Variants in BTAF1 observed in about 807,000 individuals in gnomAD.
BTAF1 encodes TATA-binding protein-associated factor 172.
Under a neutral mutation model 227.1 loss-of-function variants are expected in BTAF1, and 38 were observed. The observed-to-expected ratio is 0.17, with a 90% confidence interval of 0.13 to 0.22. BTAF1 has a LOEUF of 0.22. BTAF1 is among the 10% of genes least tolerant of loss of function. The pLI is 1.00. For synonymous variants in BTAF1, 742 were observed against 751.9 expected (o/e 0.99, Z 0.21); for missense variants, 1,598 against 2,204.0 (o/e 0.73, Z 5.51).
At chr10:91,968,106 G>T (rs1191019687) in intron 14 of BTAF1, among the ~76,000 whole-genome samples, 1 of 151,942 alleles carries the variant, frequency 6.6e-6, no homozygotes, top group Non-Finnish European at 1.5e-5. Flanking sequence ...TGTACATATT[G>T]TACATTTACA....
intron 3 of BTAF1, among the ~76,000 whole-genome samples, chr10:91,942,138 G>C (rs551707449): frequency 6.6e-6 from 1 of 152,112 alleles, no homozygotes; most frequent in Non-Finnish European, 1.5e-5. Context: ...AAAACACTTA[G>C]CTAGGCATGG....
chr10:91,993,175 A>G (rs1012134293), intron 21 of BTAF1, among the ~76,000 whole-genome samples: 3 of 152,238 alleles, frequency 2.0e-5, no homozygotes, highest in African/African-American at 7.2e-5. Flanking sequence ...TCTAGTTTGC[A>G]TAGTTATTCC....
rs901666211 is a variant in BTAF1 at position 91,935,531 on chromosome 10, T to G, written c.15-126T>G. The stretch of plus-strand genomic sequence containing the variant: ...TCTGGCTTATTTCACCATAATGTCT[T>G]TCCGGGGCTCATTTATGTTAGCGTA... On this transcript the variant is annotated intron_variant, in intron 1 of 37. Coordinates refer to ENST00000265990, the MANE Select transcript of BTAF1 (RefSeq NM_003972.3). 5 of 994,526 alleles carry G rather than the reference T, an allele frequency of 5.0e-6. No individual in the cohort carries two copies. The African/African-American group carries it at 6.5e-5, about 13-fold the overall frequency. The allele number at this position is 994,526 out of a possible 1,614,324, so 61.6% of individuals were successfully genotyped here. A position where few individuals can be genotyped will look rare whatever the true frequency, so the allele number is the denominator to read the frequency against.
intron 32 of BTAF1, among the ~76,000 whole-genome samples, chr10:92,014,629 A>ATGT (rs554270509): frequency 7.4e-4 from 113 of 152,332 alleles, no homozygotes; most frequent in African/African-American, 2.6e-3. Flanking sequence ...CTGCTTCTGA[A>ATGT]TGTTGTCATG....
chr10:91,952,910 G>A (rs1845863900), intron 5 of BTAF1, among the ~76,000 whole-genome samples: 1 of 152,216 alleles, frequency 6.6e-6, no homozygotes. Flanking sequence ...TGAATGGGCA[G>A]GTGTATTAGA....
rs1849205208 is a variant in BTAF1, at chr10:91,997,236, G to A, written c.3512-367G>A. 4.2e-6 allele frequency: 4 copies of A among 963,846 alleles called. No individual in the cohort carries two copies. In the South Asian group the frequency reaches 5.4e-5, roughly 13 times the overall value. 59.7% of individuals were successfully genotyped at this position (963,846 alleles called of 1,614,324 possible). A position where few individuals can be genotyped will look rare whatever the true frequency, so the allele number is the denominator to read the frequency against. ...TGGGAAATTTGGAATTAATCTTTGA[G>A]TGACACTCAGTTATATTCCTTTACT... On this transcript the variant is annotated intron_variant, in intron 24 of 37. Transcript: ENST00000265990.
At chr10:91,975,269 T>A (rs191363821) in intron 14 of BTAF1, among the ~76,000 whole-genome samples, 1 of 152,314 alleles carries the variant, frequency 6.6e-6, no homozygotes, top group African/African-American at 2.4e-5. Context: ...ATACATGAGA[T>A]TGAGTTGGAA....
At chr10:92,024,608 G>T (rs983032940) in intron 34 of BTAF1, 148 bp from the exon 35 acceptor site, 7 of 656,698 alleles carry the variant, frequency 1.1e-5, no homozygotes, top group East Asian at 2.7e-5. Flanking sequence ...GTGCTGCAGG[G>T]TGACAGATTG....
At chr10:91,967,649 G>A (rs554145432) in intron 14 of BTAF1, among the ~76,000 whole-genome samples, 1 of 152,174 alleles carries the variant, frequency 6.6e-6, no homozygotes, top group East Asian at 1.9e-4. Context: ...TTTTGATTTT[G>A]TCTGATCCAA....
Position 92,002,897 on chromosome 10 carries a change from C to T in BTAF1, c.3660+5146C>T, listed in dbSNP as rs146047018. 7.7e-3 allele frequency among the ~76,000 whole-genome samples: 1,167 copies of T among 152,218 alleles called. 17 individuals are homozygous for T. The highest frequency in any genetic ancestry group is 0.026 in the African/African-American group (1,086 of 41,530). ...AAATGTGGCTGAGCATGGTGGCTCA[C>T]GCCTGTAATCCCAGCACTTTGGGAG... On this transcript the variant is annotated intron_variant, in intron 25 of 37. Transcript: ENST00000265990.
chr10:92,018,953 G>A lies in BTAF1; in HGVS notation c.4863+18G>A. The A allele has an allele frequency of 6.7e-7, 1 of 1,499,202 alleles. No individual in the cohort carries two copies. Among genetic ancestry groups the A allele is most frequent in the African/African-American group, 1.4e-5 (1 of 71,198 alleles). 92.9% of individuals were successfully genotyped at this position (1,499,202 alleles called of 1,614,324 possible). ...TGAAACAAGTATGTATGTCTTTTAA[G>A]TGTTAAATGTGTGTTGTACCCCAGG... On this transcript the variant is annotated intron_variant, in intron 34 of 37. Coordinates refer to ENST00000265990, the MANE Select transcript of BTAF1 (RefSeq NM_003972.3).
chr10:91,961,615 A>T (rs1589817652), intron 11 of BTAF1, among the ~76,000 whole-genome samples: 2 of 152,144 alleles, frequency 1.3e-5, no homozygotes, highest in Non-Finnish European at 2.9e-5. Context: ...TTACCCCCAT[A>T]AACAAAACCT....
intron 1 of BTAF1, among the ~76,000 whole-genome samples, chr10:91,933,596 G>C (rs1012603904): frequency 6.6e-6 from 1 of 152,122 alleles, no homozygotes; most frequent in Admixed American, 6.6e-5. Flanking sequence ...CTTGCTGGTC[G>C]CAGCTGTCAA....
intron 4 of BTAF1, among the ~76,000 whole-genome samples, chr10:91,943,554 CTTT>C (rs939318510): frequency 2.6e-4 from 39 of 152,098 alleles, no homozygotes; most frequent in African/African-American, 8.7e-4. Flanking sequence ...AATATATTCA[CTTT>C]TTTATCATAA....
chr10:92,016,206 A>T, intron 32 of BTAF1, 134 bp from the exon 33 acceptor site: 1 of 1,002,538 alleles, frequency 1.0e-6, no homozygotes, highest in South Asian at 1.9e-5. Context: ...GTAGTGAATT[A>T]GAGATATCAC....
chr10:91,975,960 C>G (rs1589854063), intron 14 of BTAF1, among the ~76,000 whole-genome samples: 2 of 152,308 alleles, frequency 1.3e-5, no homozygotes, highest in South Asian at 4.1e-4. Context: ...CAGTTCAGTT[C>G]TGACAGTCTA....
intron 27 of BTAF1, 33 bp from the exon 28 acceptor site, chr10:92,009,008 C>A: frequency 6.2e-7 from 1 of 1,611,734 alleles, no homozygotes; most frequent in Non-Finnish European, 8.5e-7. Context: ...TGTAAACAAG[C>A]TGGTTAATTT....
chr10:91,935,674 T>C lies in BTAF1; in HGVS notation c.32T>C (p.Ile11Thr), dbSNP rs1844561437. MAVSRLDRLF[I>T]LLDTGTTPVT... ...TATTTCAGGCTAGATCGCCTTTTTA[T>C]TTTACTGGATACTGGCACTACTCCT... Residue 11 changes from isoleucine to threonine, a missense_variant, in exon 2 of 38, where the codon ATT (isoleucine) becomes ACT (threonine). Transcript: ENST00000265990. 1 of 1,612,974 alleles carries C rather than the reference T, an allele frequency of 6.2e-7. No homozygotes were observed. Among genetic ancestry groups the C allele is most frequent in the Non-Finnish European group, 8.5e-7 (1 of 1,179,582 alleles).
intron 14 of BTAF1, among the ~76,000 whole-genome samples, chr10:91,979,554 T>A (rs762998469): frequency 2.0e-5 from 3 of 152,122 alleles, no homozygotes; most frequent in Non-Finnish European, 4.4e-5. Context: ...AGTTAAAATT[T>A]CCAAATTTCT....
Sources: gnomAD v4.1 joint callset for allele counts (sites outside exome capture counted in the v4.1 genomes callset) on GRCh38, gnomAD v4.1.1 for gene constraint, MANE v1.5 for transcripts, NCBI Gene and HGNC (gene_info 2026-07-23, HGNC 2026-07-21) for gene names.